The following ZNF429 variants were observed in gnomAD, a reference collection of about 807,000 sequenced individuals.
ZNF429 encodes zinc finger protein 429.
A neutral mutation model predicts 56.8 loss-of-function variants in ZNF429; 53 were observed. The observed-to-expected ratio is 0.93, with a 90% CI of 0.75 to 1.17. ZNF429 has a LOEUF of 1.17. Ranked by LOEUF, ZNF429 falls within the 50% of genes most tolerant of loss-of-function variation. ZNF429 has a pLI of 0.00. For synonymous variants in ZNF429, 278 were observed against 264.7 expected, an observed-to-expected ratio of 1.05 and a Z score of -0.49; for missense variants, 849 against 788.4, an observed-to-expected ratio of 1.08 and a Z score of -0.92.
Position 21,536,854 on chromosome 19 carries a change from C to CAGGT in ZNF429, c.803_806dup (p.Tyr269Ter). 2 of 1,613,272 alleles carry CAGGT rather than the reference C, an allele frequency of 1.2e-6. No homozygotes were observed. Among genetic ancestry groups the CAGGT allele is most frequent in the Non-Finnish European group, 1.7e-6 (2 of 1,179,810 alleles). On this transcript the variant is annotated frameshift_variant, in exon 4 of 4. Transcript: ENST00000358491. LOFTEE classifies it high-confidence loss of function. ...GTAAAGAATGTGGCAAAGCCTTTAG[C>CAGGT]AGGTACTCAACCCTTACTACCCATA...
intron 1 of ZNF429, chr19:21,529,274 T>G (rs2033282969): frequency 6.4e-6 from 1 of 155,236 alleles, no homozygotes; most frequent in Non-Finnish European, 1.4e-5. Flanking sequence ...CATTAAAATG[T>G]GAGAGGTAAA....
intron 1 of ZNF429, among the ~76,000 whole-genome samples, chr19:21,527,352 A>G (rs2033209530): frequency 6.6e-6 from 1 of 152,180 alleles, no homozygotes; most frequent in Admixed American, 6.5e-5. Context: ...TTCCACAGCC[A>G]ATTTACAAAA....
chr19:21,535,469 TTTCTTTCTTTC>T lies in ZNF429; in HGVS notation c.227-808_227-798del. Among the ~76,000 whole-genome samples the T allele has an allele frequency of 2.0e-4, 20 of 99,412 alleles. 1 individual carries two copies. The highest frequency in any genetic ancestry group is 7.9e-4 in the African/African-American group (19 of 23,946). 65.2% of individuals were successfully genotyped at this position (99,412 alleles called of 152,430 possible). The stretch of plus-strand genomic sequence containing the variant: ...CTTTCTTTCTTTCTTTCTTTCTTTC[TTTCTTTCTTTC>T]TTTCTTTCTTTCTTTCTTCTTTCTT... On this transcript the variant is annotated intron_variant, in intron 3 of 3. Coordinates refer to ENST00000358491, the MANE Select transcript of ZNF429 (RefSeq NM_001001415.4).
intron 1 of ZNF429, chr19:21,519,041 T>A (rs1330298168): frequency 6.6e-6 from 1 of 152,196 alleles, no homozygotes; most frequent in Non-Finnish European, 1.5e-5. Context: ...GTTTCATATA[T>A]GTTTATTAGA....
intron 3 of ZNF429, among the ~76,000 whole-genome samples, chr19:21,532,007 G>A: frequency 2.1e-5 from 3 of 141,288 alleles, no homozygotes; most frequent in Admixed American, 7.2e-5. Flanking sequence ...CTATCTGATA[G>A]AAGAGAGGAA....
chr19:21,537,134 G>T lies in ZNF429; in HGVS notation c.1081G>T (p.Val361Leu). ...GTCTTCAACTCTTACTAAACATAAG[G>T]TAATTCATACTGGAGAGAAGCCCTA... is the stretch of plus-strand genomic sequence containing the variant. ...NWSSTLTKHK[V>L]IHTGEKPYKC... The change falls in exon 4 of 4, where the codon GTA becomes TTA. Residue 361 changes from valine to leucine, a missense_variant. Val to Leu is a conservative substitution (Grantham distance 32). Transcript: ENST00000358491. 1 of 1,584,762 alleles carries T rather than the reference G, an allele frequency of 6.3e-7. No homozygotes were observed. The highest frequency in any genetic ancestry group is 1.4e-5 in the African/African-American group (1 of 69,200).
intron 3 of ZNF429, among the ~76,000 whole-genome samples, chr19:21,535,393 CTTTCTTTCTTTCTTTT>C: frequency 4.7e-5 from 2 of 42,340 alleles, no homozygotes; most frequent in Non-Finnish European, 8.2e-5. Flanking sequence ...TACTTTCTTT[CTTTCTTTCTTTCTTTT>C]TCTTTTCTTT....
In ZNF429 at chr19:21,535,373, C is replaced by CT; in HGVS notation, c.227-904dup. On this transcript the variant is annotated intron_variant, in intron 3 of 3. Coordinates refer to ENST00000358491, the MANE Select transcript of ZNF429 (RefSeq NM_001001415.4). ...CCTTTCTTTTCTTCTTTCTTTCTTT[C>CT]TTTCTTTTTTACTTTCTTTCTTTCT... Among the ~76,000 whole-genome samples, 68 of 70,530 alleles carry CT rather than the reference C, an allele frequency of 9.6e-4. 2 individuals are homozygous for CT. The highest frequency in any genetic ancestry group is 2.5e-3 in the African/African-American group (39 of 15,448). 46.3% of individuals were successfully genotyped at this position (70,530 alleles called of 152,430 possible).
At chr19:21,529,845 G>T in intron 2 of ZNF429, 61 bp downstream of exon 2, 3 of 1,147,522 alleles carry the variant, frequency 2.6e-6, no homozygotes, top group East Asian at 3.1e-5. Context: ...TCTCCTCTTT[G>T]TAGAATGTTC....
chr19:21,534,202 G>C, intron 3 of ZNF429, among the ~76,000 whole-genome samples: 1 of 152,122 alleles, frequency 6.6e-6, no homozygotes, highest in Admixed American at 6.6e-5. Flanking sequence ...GTTTATCACT[G>C]TCTGTTGTAT....
At position 21,537,786 on chromosome 19, in the gene ZNF429, C is replaced by T; in HGVS notation, c.1733C>T (p.Ser578Leu). 8 of 1,613,568 alleles carry T rather than the reference C, an allele frequency of 5.0e-6. No homozygotes were observed. Among genetic ancestry groups the T allele is most frequent in the Non-Finnish European group, 6.8e-6 (8 of 1,179,980 alleles). The change falls in exon 4 of 4, where the codon TCA becomes TTA. Residue 578 changes from serine to leucine, a missense_variant. Transcript: ENST00000358491. The stretch of plus-strand genomic sequence containing the variant: ...TGTGACAAAGCTTTTACCCACTCCT[C>T]AAACCTTAGTAGTCATAAGAAAATT... ...KQCDKAFTHS[S>L]NLSSHKKIHS...
At chr19:21,525,108 A>T (rs2033117182) in intron 1 of ZNF429, among the ~76,000 whole-genome samples, 3 of 152,210 alleles carry the variant, frequency 2.0e-5, no homozygotes, top group Admixed American at 2.0e-4. Context: ...GTGCAAAAAA[A>T]CTTGGGCTTT....
chr19:21,529,590 C>T, intron 1 of ZNF429, 68 bp from the exon 2 acceptor site: 1 of 1,337,390 alleles, frequency 7.5e-7, no homozygotes, highest in Non-Finnish European at 9.7e-7. Flanking sequence ...AAAATTCTAC[C>T]CATGGGCACT....
chr19:21,510,580 T>A (rs534214924), intron 1 of ZNF429, among the ~76,000 whole-genome samples: 180 of 151,432 alleles, frequency 1.2e-3, no homozygotes, highest in Middle Eastern at 0.01. Context: ...TTCTTTTTTT[T>A]AATTTTTTAA....
intron 1 of ZNF429, among the ~76,000 whole-genome samples, chr19:21,512,621 G>A (rs995972526): frequency 6.3e-5 from 8 of 127,442 alleles, no homozygotes; most frequent in Admixed American, 4.9e-4. Context: ...CCGAGATCAC[G>A]CCACTGCATT....
At chr19:21,530,231 A>T in intron 2 of ZNF429, among the ~76,000 whole-genome samples, 1 of 151,948 alleles carries the variant, frequency 6.6e-6, no homozygotes, top group African/African-American at 2.4e-5. Flanking sequence ...GTTCATGTAG[A>T]AAAGAATTTC....
chr19:21,507,597 C>G (rs536493818), intron 1 of ZNF429: 1 of 152,136 alleles, frequency 6.6e-6, no homozygotes, highest in East Asian at 1.9e-4. Context: ...CCTCAGCCAC[C>G]CTTTAGTTTT....
chr19:21,525,869 A>AGAGG (rs1216179647), intron 1 of ZNF429, among the ~76,000 whole-genome samples: 1 of 148,606 alleles, frequency 6.7e-6, no homozygotes, highest in Non-Finnish European at 1.5e-5. Context: ...GAGAAACAGA[A>AGAGG]AAATTAAAAT....
At chr19:21,535,307 C>CTTTCTTTCTTTCTTTCTTTCTTTCTT in intron 3 of ZNF429, among the ~76,000 whole-genome samples, 5 of 128,850 alleles carry the variant, frequency 3.9e-5, no homozygotes, top group Non-Finnish European at 6.4e-5. Context: ...TTCTTTCTTT[C>CTTTCTTTCTTTCTTTCTTTCTTTCTT]TTTCTTTCTT....
Sources: allele counts gnomAD v4.1 joint callset (sites outside exome capture counted in the v4.1 genomes callset), GRCh38; gene constraint gnomAD v4.1.1; transcripts MANE v1.5; gene names NCBI Gene and HGNC (gene_info 2026-07-23, HGNC 2026-07-21).